Variants in ARHGEF28 observed in about 807,000 individuals in gnomAD.
ARHGEF28 encodes the protein Rho guanine nucleotide exchange factor 28, also known as 190 kDa guanine nucleotide exchange factor.
A neutral mutation model predicts 206.6 loss-of-function variants in ARHGEF28; 152 were observed. The observed-to-expected ratio is 0.74, with a 90% CI of 0.64 to 0.84. The LOEUF is 0.84. Among genes scored for constraint, ARHGEF28 ranks in the 40% least tolerant of loss-of-function variants. ARHGEF28 has a pLI of 0.00. For missense variants in ARHGEF28, 2,028 were observed against 2,073.2 expected, an observed-to-expected ratio of 0.98 and a Z score of 0.42; for synonymous variants, 763 against 776.4, an observed-to-expected ratio of 0.98 and a Z score of 0.29.
chr5:73,940,966 G>A lies in ARHGEF28; in HGVS notation c.5071G>A (p.Asp1691Asn). The part of the protein sequence containing the change: ...NLPTRTMTRQ[D>N]GETGDGAKEN... The stretch of plus-strand genomic sequence containing the variant: ...ACCGACAAGGACAATGACCAGACAA[G>A]ATGGGGAAACTGGAGATGGAGCCAA... The change falls in exon 36 of 36, where the codon GAT (aspartate) becomes AAT (asparagine). Residue 1691 changes from aspartate (D) to asparagine (N), a missense_variant. Transcript: ENST00000513042. 11 of 1,530,546 alleles carry A rather than the reference G, an allele frequency of 7.2e-6. No homozygotes were observed. Among genetic ancestry groups the A allele is most frequent in the Non-Finnish European group, 9.6e-6 (11 of 1,145,618 alleles). 94.8% of individuals were successfully genotyped at this position (1,530,546 alleles called of 1,614,324 possible).
At chr5:73,724,960 G>T (rs1750186256) in intron 2 of ARHGEF28, among the ~76,000 whole-genome samples, 2 of 152,164 alleles carry the variant, frequency 1.3e-5, no homozygotes, top group African/African-American at 4.8e-5. Flanking sequence ...ATCAAAGGGA[G>T]ATTGTTAAAT....
At chr5:73,721,331 A>G (rs1439034038) in intron 2 of ARHGEF28, among the ~76,000 whole-genome samples, 3 of 152,120 alleles carry the variant, frequency 2.0e-5, no homozygotes, top group African/African-American at 2.4e-5. Flanking sequence ...CGCTTTTACC[A>G]TCTTCTTGAG....
At chr5:73,884,153 C>T (rs942751124) in intron 24 of ARHGEF28, among the ~76,000 whole-genome samples, 1 of 152,146 alleles carries the variant, frequency 6.6e-6, no homozygotes, top group Non-Finnish European at 1.5e-5. Flanking sequence ...TTATTTTCCC[C>T]ACCACTGGGC....
chr5:73,770,737 T>C (rs1487865964), intron 4 of ARHGEF28, among the ~76,000 whole-genome samples: 1 of 152,222 alleles, frequency 6.6e-6, no homozygotes, highest in African/African-American at 2.4e-5. Flanking sequence ...AGCTCTCTCT[T>C]ACAACATTTT....
intron 1 of ARHGEF28, among the ~76,000 whole-genome samples, chr5:73,679,101 G>A (rs1249627460): frequency 6.6e-6 from 1 of 152,154 alleles, no homozygotes; most frequent in African/African-American, 2.4e-5. Flanking sequence ...ATGTTGCCCA[G>A]GCTGATCTCA....
chr5:73,932,217 A>C (rs1242304758), intron 35 of ARHGEF28, among the ~76,000 whole-genome samples: 1 of 152,218 alleles, frequency 6.6e-6, no homozygotes, highest in Non-Finnish European at 1.5e-5. Flanking sequence ...AATTAGAGAA[A>C]ATTCTAGTTT....
intron 2 of ARHGEF28, among the ~76,000 whole-genome samples, chr5:73,720,598 C>G (rs916708662): frequency 2.0e-5 from 3 of 152,010 alleles, no homozygotes; most frequent in Non-Finnish European, 4.4e-5. Flanking sequence ...TGGTAAAATT[C>G]GACAAGTTGG....
chr5:73,643,547 G>A (rs188437489), intron 1 of ARHGEF28, among the ~76,000 whole-genome samples: 27 of 152,200 alleles, frequency 1.8e-4, no homozygotes, highest in African/African-American at 5.8e-4. Context: ...GGGCATGGTG[G>A]CTCACGCCTG....
chr5:73,870,129 A>G lies in ARHGEF28; in HGVS notation c.2486A>G (p.Glu829Gly). The G allele has an allele frequency of 6.2e-7, 1 of 1,613,966 alleles. No individual in the cohort carries two copies. The highest frequency in any genetic ancestry group is 8.5e-7 in the Non-Finnish European group (1 of 1,179,886). ...LSSDAQEFEA[E>G]SWSLVVDPSF... ...AGTGATGCCCAGGAGTTTGAAGCAGAATCTTGGAGTCTTGTGGTGGATCCC... is the reference window on the plus strand; with the variant it reads ...AGTGATGCCCAGGAGTTTGAAGCAGGATCTTGGAGTCTTGTGGTGGATCCC... The change falls in exon 21 of 36, where the codon GAA becomes GGA. Residue 829 changes from glutamate to glycine, a missense_variant. Physicochemically the swap from Glu to Gly is moderately conservative, Grantham distance 98 (BLOSUM62 -2). Transcript: ENST00000513042.
intron 35 of ARHGEF28, among the ~76,000 whole-genome samples, chr5:73,913,876 A>C (rs1239213514): frequency 6.6e-6 from 1 of 152,214 alleles, no homozygotes; most frequent in Non-Finnish European, 1.5e-5. Flanking sequence ...GTTAGGCCAT[A>C]ACGTCTGCCG....
intron 11 of ARHGEF28, 90 bp downstream of exon 11, chr5:73,840,850 T>C: frequency 2.2e-6 from 3 of 1,339,592 alleles, no homozygotes; most frequent in Non-Finnish European, 3.0e-6. Flanking sequence ...CTTTTTATTG[T>C]CTCTACCACT....
intron 4 of ARHGEF28, among the ~76,000 whole-genome samples, chr5:73,773,378 C>A (rs745949009): frequency 6.6e-6 from 1 of 152,180 alleles, no homozygotes; most frequent in East Asian, 1.9e-4. Flanking sequence ...ATTTCTCTTG[C>A]GGCTTCTTAT....
chr5:73,750,470 G>A (rs1751967272), intron 3 of ARHGEF28, among the ~76,000 whole-genome samples: 2 of 152,060 alleles, frequency 1.3e-5, no homozygotes, highest in South Asian at 4.2e-4. Context: ...TTTCCTTGAT[G>A]CCCTGTCCAT....
intron 2 of ARHGEF28, among the ~76,000 whole-genome samples, chr5:73,720,092 G>A (rs1749844100): frequency 6.6e-6 from 1 of 152,234 alleles, no homozygotes; most frequent in South Asian, 2.1e-4. Flanking sequence ...AAATACAAAT[G>A]AGTTAATGTA....
intron 2 of ARHGEF28, among the ~76,000 whole-genome samples, chr5:73,702,075 C>A (rs894234895): frequency 2.6e-5 from 4 of 152,162 alleles, no homozygotes; most frequent in Admixed American, 1.3e-4. Context: ...TTTAAAGGAA[C>A]TGACAAACAA....
At chr5:73,630,755 G>C (rs1216046743) in intron 1 of ARHGEF28, among the ~76,000 whole-genome samples, 1 of 152,166 alleles carries the variant, frequency 6.6e-6, no homozygotes, top group Non-Finnish European at 1.5e-5. Flanking sequence ...GATTAGACTG[G>C]ATGACCTCTA....
At chr5:73,876,957 C>T (rs1243817465) in intron 22 of ARHGEF28, among the ~76,000 whole-genome samples, 12 of 140,116 alleles carry the variant, frequency 8.6e-5, no homozygotes, top group African/African-American at 3.0e-4. Context: ...GGGAGGATTC[C>T]CTCTTTTTCT....
intron 6 of ARHGEF28, chr5:73,777,908 G>T (rs974690381): frequency 1.3e-5 from 2 of 152,144 alleles, no homozygotes; most frequent in Non-Finnish European, 2.9e-5. Flanking sequence ...GTGAAACATC[G>T]TCTCTACTAA....
chr5:73,695,412 G>A (rs1171863410), intron 2 of ARHGEF28, among the ~76,000 whole-genome samples: 1 of 152,066 alleles, frequency 6.6e-6, no homozygotes, highest in South Asian at 2.1e-4. Context: ...CACTCCTCCT[G>A]AAAGACTCCC....
Sources: gnomAD v4.1 joint callset for allele counts (sites outside exome capture counted in the v4.1 genomes callset) on GRCh38, gnomAD v4.1.1 for gene constraint, MANE v1.5 for transcripts, NCBI Gene and HGNC (gene_info 2026-07-23, HGNC 2026-07-21) for gene names.